Variants in SCN9A observed in about 807,000 individuals in gnomAD.
The protein encoded by SCN9A is sodium voltage-gated channel alpha subunit 9, also known as sodium channel protein type 9 subunit alpha.
Under a neutral mutation model 187.0 loss-of-function variants are expected in SCN9A, and 131 were observed. The ratio of observed to expected loss-of-function variants is 0.70; its 90% CI spans 0.61 to 0.81. The LOEUF is 0.81. Among genes scored for constraint, SCN9A ranks in the 30% least tolerant of loss-of-function variants. The pLI is 0.00. For synonymous variants in SCN9A, 809 were observed against 808.6 expected, an observed-to-expected ratio of 1.00 and a Z score of -0.01; for missense variants, 2,252 against 2,396.6, an observed-to-expected ratio of 0.94 and a Z score of 1.26.
At chr2:166,249,650 A>T (rs1352156126) in intron 18 of SCN9A, among the ~76,000 whole-genome samples, 1 of 152,236 alleles carries the variant, frequency 6.6e-6, no homozygotes, top group Non-Finnish European at 1.5e-5. Flanking sequence ...GCAATGAATA[A>T]TCTCAGAGTA....
intron 21 of SCN9A, among the ~76,000 whole-genome samples, chr2:166,232,982 A>G (rs1695155844): frequency 6.8e-6 from 1 of 147,276 alleles, no homozygotes. Flanking sequence ...TATAATTAGT[A>G]TTTATATATT....
Position 166,311,515 on chromosome 2 carries a change from T to C in SCN9A, c.242A>G (p.Tyr81Cys), listed in dbSNP as rs778055850. 6.2e-7 allele frequency: 1 copy of C among 1,607,892 alleles called. No individual in the cohort carries two copies. The highest frequency in any genetic ancestry group is 1.1e-5 in the South Asian group (1 of 89,972). ...TAAACTCACCTTTTTGTCTGCATAG[T>C]AGGGGTCCAAGTCCTCCAGGGGCTC... Reference protein sequence around the residue: ...VSEPLEDLDPYYADKKTFIVL... With the variant: ...VSEPLEDLDPCYADKKTFIVL... Residue 81 changes from tyrosine to cysteine, a missense_variant, in exon 2 of 27, where the codon TAC becomes TGC. This residue lies in a region of SCN9A where 1,013 missense variants were observed against 997.4 expected (regional missense o/e 1.02). Coordinates refer to ENST00000642356, the MANE Select transcript of SCN9A (RefSeq NM_001365536.1).
chr2:166,221,936 T>C (rs62176629), intron 24 of SCN9A, among the ~76,000 whole-genome samples: 1 of 152,098 alleles, frequency 6.6e-6, no homozygotes, highest in Non-Finnish European at 1.5e-5. Flanking sequence ...AAAATTGAAT[T>C]CTTATATTAT....
intron 1 of SCN9A, among the ~76,000 whole-genome samples, chr2:166,353,333 A>G (rs1436643756): frequency 6.6e-6 from 1 of 152,144 alleles, no homozygotes; most frequent in Non-Finnish European, 1.5e-5. Context: ...CATTCAATGA[A>G]CAAGAGACCC....
intron 2 of SCN9A, among the ~76,000 whole-genome samples, chr2:166,307,362 G>A (rs754241912): frequency 1.1e-4 from 17 of 152,046 alleles, no homozygotes; most frequent in Non-Finnish European, 5.9e-5. Flanking sequence ...TCTTTCACCA[G>A]TAACAATAAC....
At position 166,284,837 on chromosome 2, in the gene SCN9A, T is replaced by TA. The variant is rs200430382; in HGVS notation, c.1603-14dup. On this transcript the variant is annotated splice_polypyrimidine_tract_variant and intron_variant, in intron 11 of 26. Transcript: ENST00000642356. ...TGCTGAGTGGTGACTGCAGAAAAAT[T>TA]AAAAAAAACGTGGTTGCTGAAGCAC... The TA allele has an allele frequency of 1.8e-4, 279 of 1,578,760 alleles. 2 individuals are homozygous for TA. The East Asian group carries it at 4.4e-3, about 25-fold the overall frequency.
chr2:166,300,201 A>G (rs73969666), intron 7 of SCN9A, among the ~76,000 whole-genome samples: 4 of 150,980 alleles, frequency 2.6e-5, no homozygotes, highest in East Asian at 1.9e-4. Context: ...AATGTCCTGC[A>G]TGATATGACC....
intron 13 of SCN9A, among the ~76,000 whole-genome samples, chr2:166,281,273 A>G (rs1697473433): frequency 6.6e-6 from 1 of 152,150 alleles, no homozygotes; most frequent in Non-Finnish European, 1.5e-5. Context: ...ATCTTTGCTT[A>G]TTAGAAGAGA....
intron 22 of SCN9A, among the ~76,000 whole-genome samples, chr2:166,228,459 A>G (rs987812570): frequency 6.6e-6 from 1 of 151,628 alleles, no homozygotes; most frequent in Non-Finnish European, 1.5e-5. Context: ...GGGTTTCACT[A>G]TGTTGGCCAG....
chr2:166,313,081 AATAAT>A (rs1402431963), intron 1 of SCN9A, among the ~76,000 whole-genome samples: 24 of 148,940 alleles, frequency 1.6e-4, no homozygotes, highest in Non-Finnish European at 2.5e-4. Context: ...CTGAATAGTA[AATAAT>A]ATAATTATTA....
intron 24 of SCN9A, among the ~76,000 whole-genome samples, chr2:166,218,278 G>A (rs1694424374): frequency 9.1e-6 from 1 of 109,822 alleles, no homozygotes; most frequent in South Asian, 3.6e-4. Flanking sequence ...GGGGAGGGGG[G>A]AGGGATAGCA....
rs543861235 is a variant in SCN9A, at chr2:166,224,209, G to C, written c.4398+2358C>G. Among the ~76,000 whole-genome samples, 13 of 152,216 alleles carry C rather than the reference G, an allele frequency of 8.5e-5. No individual in the cohort carries two copies. The South Asian group carries it at 2.7e-3, about 32-fold the overall frequency. On this transcript the variant is annotated intron_variant, in intron 24 of 26. Transcript: ENST00000642356. ...TGCAGGGAAGACTGAGGAATTACTTGTGTGTGCTTATATATTACATGTATG... is the reference window on the plus strand; with the variant it reads ...TGCAGGGAAGACTGAGGAATTACTTCTGTGTGCTTATATATTACATGTATG...
intron 1 of SCN9A, among the ~76,000 whole-genome samples, chr2:166,333,546 A>T (rs1336056610): frequency 6.6e-6 from 1 of 152,116 alleles, no homozygotes; most frequent in Non-Finnish European, 1.5e-5. Flanking sequence ...TAGCCTTATA[A>T]GCTGGACTTC....
At position 166,321,676 on chromosome 2, in the gene SCN9A, C is replaced by A. The variant is rs78454756; in HGVS notation, c.-50-9870G>T. Among the ~76,000 whole-genome samples, 1,088 of 151,884 alleles carry A rather than the reference C, an allele frequency of 7.2e-3. 13 individuals carry two copies. The highest frequency in any genetic ancestry group is 0.025 in the African/African-American group (1,018 of 41,444). On this transcript the variant is annotated intron_variant, in intron 1 of 26. Transcript: ENST00000642356. Reference sequence around the variant, plus strand: ...TGAAGGAGAGAAGGAAGATGATAAACCAAAAAGGGTAAAAAAAAGTTTTTC... The same window carrying A: ...TGAAGGAGAGAAGGAAGATGATAAAACAAAAAGGGTAAAAAAAAGTTTTTC...
chr2:166,296,300 T>A (rs1283121984), intron 7 of SCN9A, among the ~76,000 whole-genome samples: 4 of 152,222 alleles, frequency 2.6e-5, no homozygotes, highest in Non-Finnish European at 5.9e-5. Flanking sequence ...CAGGAGTTAT[T>A]ATAATTAGTT....
intron 1 of SCN9A, among the ~76,000 whole-genome samples, chr2:166,348,328 A>T (rs1699953031): frequency 6.6e-6 from 1 of 152,010 alleles, no homozygotes. Flanking sequence ...ATATACTCTT[A>T]TTTTAACCCG....
chr2:166,233,865 T>A (rs1308182772), intron 20 of SCN9A, among the ~76,000 whole-genome samples: 1 of 152,162 alleles, frequency 6.6e-6, no homozygotes, highest in Non-Finnish European at 1.5e-5. Context: ...AAAAGTGTGG[T>A]ATTCACTCAA....
At chr2:166,232,979 A>G (rs935654711) in intron 21 of SCN9A, among the ~76,000 whole-genome samples, 25 of 147,342 alleles carry the variant, frequency 1.7e-4, no homozygotes, top group Admixed American at 6.9e-5. Context: ...TGCTATAATT[A>G]GTATTTATAT....
intron 10 of SCN9A, among the ~76,000 whole-genome samples, chr2:166,287,072 T>C (rs962316957): frequency 1.3e-5 from 2 of 152,166 alleles, no homozygotes; most frequent in African/African-American, 2.4e-5. Flanking sequence ...AGCATAATAT[T>C]GTAAGAAAGT....
Sources: allele counts gnomAD v4.1 joint callset (sites outside exome capture counted in the v4.1 genomes callset), GRCh38; gene constraint gnomAD v4.1.1; regional missense constraint gnomAD v4.1.1; transcripts MANE v1.5; gene names NCBI Gene and HGNC (gene_info 2026-07-23, HGNC 2026-07-21).